Variants in PRKAG2 observed in about 807,000 individuals in gnomAD.
The protein encoded by PRKAG2 is protein kinase AMP-activated non-catalytic subunit gamma 2.
Under a neutral mutation model 69.6 loss-of-function variants are expected in PRKAG2, and 26 were observed. The observed-to-expected ratio is 0.37, with a 90% CI of 0.27 to 0.52. PRKAG2 has a LOEUF of 0.52. Ranked by LOEUF, PRKAG2 falls within the 20% of genes least tolerant of loss-of-function variation. PRKAG2 has a pLI of 0.90. For missense variants in PRKAG2, 557 were observed against 740.0 expected (o/e 0.75, Z 2.87); for synonymous variants, 293 against 285.0 (o/e 1.03, Z -0.28).
chr7:151,676,250 GGGGGAGGGGACGGGA>G (rs1325143025), intron 3 of PRKAG2, among the ~76,000 whole-genome samples: 16 of 150,242 alleles, frequency 1.1e-4, no homozygotes, highest in African/African-American at 3.7e-4. Flanking sequence ...AGGAGGGGGA[GGGGGAGGGGACGGGA>G]GGGGAGGGGA....
intron 3 of PRKAG2, among the ~76,000 whole-genome samples, chr7:151,701,349 C>T (rs1282435223): frequency 6.6e-6 from 1 of 152,176 alleles, no homozygotes; most frequent in African/African-American, 2.4e-5. Flanking sequence ...CAAAAAGATA[C>T]AATGAAAACC....
chr7:151,788,556 G>A lies in PRKAG2; in HGVS notation c.115-2015C>T, dbSNP rs2077123065. Among the ~76,000 whole-genome samples, 1 of 152,060 alleles carries A rather than the reference G, an allele frequency of 6.6e-6. No individual in the cohort carries two copies. Among genetic ancestry groups the A allele is most frequent in the African/African-American group, 2.4e-5 (1 of 41,390 alleles). ...TGTGGTTGAATTGTTTATATATTCTGGTTATTAACCCCTTATCAGATACAT... is the reference window on the plus strand; with the variant it reads ...TGTGGTTGAATTGTTTATATATTCTAGTTATTAACCCCTTATCAGATACAT... On this transcript the variant is annotated intron_variant, in intron 1 of 15. Coordinates refer to ENST00000287878, the MANE Select transcript of PRKAG2 (RefSeq NM_016203.4). This position sits in a 1 kb window ranked among gnomAD's most constrained non-coding sequence, Gnocchi z 4.6.
chr7:151,677,421 A>G (rs2151482913), intron 3 of PRKAG2, among the ~76,000 whole-genome samples: 1 of 152,260 alleles, frequency 6.6e-6, no homozygotes, highest in East Asian at 1.9e-4. Flanking sequence ...CGAACTCCTG[A>G]CCTCAAGTGA....
intron 2 of PRKAG2, among the ~76,000 whole-genome samples, chr7:151,783,675 C>G (rs2076846429): frequency 6.6e-6 from 1 of 152,008 alleles, no homozygotes; most frequent in South Asian, 2.1e-4. Flanking sequence ...AATCCCAGCA[C>G]TTTGGGAGGC....
At chr7:151,832,970 A>T (rs1005943183) in intron 1 of PRKAG2, among the ~76,000 whole-genome samples, 1 of 152,088 alleles carries the variant, frequency 6.6e-6, no homozygotes, top group Non-Finnish European at 1.5e-5. Context: ...GACATCTTGG[A>T]GGAGGTGGGC....
At chr7:151,617,292 G>GA (rs1283289645) in intron 5 of PRKAG2, among the ~76,000 whole-genome samples, 7 of 132,700 alleles carry the variant, frequency 5.3e-5, no homozygotes, top group Admixed American at 5.1e-4. Flanking sequence ...AAGAGGGAGG[G>GA]GGGGAGGGAG....
Position 151,572,830 on chromosome 7 carries a change from C to T in PRKAG2, c.1006-121G>A, listed in dbSNP as rs73156285. On this transcript the variant is annotated intron_variant, in intron 8 of 15. Transcript: ENST00000287878. ...TTCTATTCGCAATTAGAAAATGAGG[C>T]GGCCAGGTGCGGTTGCTCATGCCTG... 0.13 allele frequency: 82,636 copies of T among 632,440 alleles called. 6,472 individuals are homozygous for T. The highest frequency in any genetic ancestry group is 0.28 in the East Asian group (9,161 of 32,422). The allele number at this position is 632,440 out of a possible 1,614,324, so 39.2% of individuals were successfully genotyped here.
At chr7:151,579,639 C>T (rs1365423576) in intron 6 of PRKAG2, among the ~76,000 whole-genome samples, 1 of 152,140 alleles carries the variant, frequency 6.6e-6, no homozygotes, top group African/African-American at 2.4e-5. Flanking sequence ...TGGAATTTTT[C>T]TGAGGGCATT....
At chr7:151,873,818 G>A (rs958281005) in intron 1 of PRKAG2, among the ~76,000 whole-genome samples, 7 of 152,006 alleles carry the variant, frequency 4.6e-5, no homozygotes, top group Admixed American at 1.3e-4. Flanking sequence ...ACCACCCCAC[G>A]GGCACGCCCA....
rs1055350799 is a variant in PRKAG2, at chr7:151,765,738, G to A, written c.466+15414C>T. Among the ~76,000 whole-genome samples the A allele has an allele frequency of 5.3e-5, 8 of 152,134 alleles. No homozygotes were observed. The East Asian group carries it at 5.8e-4, about 11-fold the overall frequency. On this transcript the variant is annotated intron_variant, in intron 3 of 15. Coordinates refer to ENST00000287878, the MANE Select transcript of PRKAG2 (RefSeq NM_016203.4). Reference sequence around the variant, plus strand: ...AGGACTTCCACAAACCATTTTTGCCGGGAACATCATACAACCCTTAACAGT... The same window carrying A: ...AGGACTTCCACAAACCATTTTTGCCAGGAACATCATACAACCCTTAACAGT...
At chr7:151,728,683 G>A (rs968158318) in intron 3 of PRKAG2, among the ~76,000 whole-genome samples, 1 of 152,188 alleles carries the variant, frequency 6.6e-6, no homozygotes, top group Non-Finnish European at 1.5e-5. Context: ...TTTGTCCAGT[G>A]TTCAGCTTCT....
chr7:151,746,428 T>C (rs772311682), intron 3 of PRKAG2, among the ~76,000 whole-genome samples: 3 of 152,246 alleles, frequency 2.0e-5, no homozygotes, highest in Non-Finnish European at 2.9e-5. Context: ...GGTTCACCCA[T>C]TGGCATGCAA....
intron 4 of PRKAG2, among the ~76,000 whole-genome samples, chr7:151,651,156 T>TG (rs1489330291): frequency 6.6e-6 from 1 of 152,214 alleles, no homozygotes; most frequent in Non-Finnish European, 1.5e-5. Context: ...GAGATTTCTC[T>TG]GGGGAGATTA....
intron 1 of PRKAG2, among the ~76,000 whole-genome samples, chr7:151,861,528 C>CAAAA (rs11406004): frequency 4.1e-5 from 4 of 96,566 alleles, no homozygotes; most frequent in African/African-American, 8.6e-5. Context: ...ACTCTGTCTC[C>CAAAA]AAAAAAAAAA....
At chr7:151,805,079 T>C (rs1211583943) in intron 1 of PRKAG2, among the ~76,000 whole-genome samples, 1 of 152,142 alleles carries the variant, frequency 6.6e-6, no homozygotes, top group Non-Finnish European at 1.5e-5. Context: ...TCCTGTTGAG[T>C]GGGCGAATCT....
At chr7:151,860,725 G>A (rs1418056285) in intron 1 of PRKAG2, among the ~76,000 whole-genome samples, 1 of 152,106 alleles carries the variant, frequency 6.6e-6, no homozygotes, top group Non-Finnish European at 1.5e-5. Flanking sequence ...AGGACAAAAA[G>A]CATATTAACC....
chr7:151,773,037 G>A (rs970599757), intron 3 of PRKAG2, among the ~76,000 whole-genome samples: 4,480 of 34,954 alleles, frequency 0.13, 366 homozygotes, highest in East Asian at 0.19. Context: ...GAGAGAGAGA[G>A]AGAGAGAGAG....
At chr7:151,773,023 A>AAGAAAGAAAGAAAGAAAG (rs1563639223) in intron 3 of PRKAG2, among the ~76,000 whole-genome samples, 23 of 55,090 alleles carry the variant, frequency 4.2e-4, no homozygotes, top group Non-Finnish European at 6.0e-4. Flanking sequence ...GAAAGAAAGA[A>AAGAAAGAAAGAAAGAAAG]AGAGAGAGAG....
intron 3 of PRKAG2, among the ~76,000 whole-genome samples, chr7:151,762,588 T>A (rs2075483661): frequency 6.6e-6 from 1 of 152,178 alleles, no homozygotes; most frequent in Admixed American, 6.5e-5. Context: ...AGGCAAACTA[T>A]GCCAAGCATC....
Sources: allele counts gnomAD v4.1 joint callset (sites outside exome capture counted in the v4.1 genomes callset), GRCh38; gene constraint gnomAD v4.1.1; non-coding constraint Gnocchi (gnomAD v3.1); transcripts MANE v1.5; gene names NCBI Gene and HGNC (gene_info 2026-07-23, HGNC 2026-07-21).